The following XKR6 variants were observed in gnomAD, a reference collection of about 807,000 sequenced individuals.
XKR6 encodes the protein XK related 6.
Under a neutral mutation model 56.7 loss-of-function variants are expected in XKR6, and 22 were observed. The ratio of observed to expected loss-of-function variants is 0.39; its 90% confidence interval spans 0.28 to 0.55. The LOEUF is 0.55. XKR6 is among the 20% of genes least tolerant of loss of function. XKR6 has a pLI of 0.66. For synonymous variants in XKR6, 524 were observed against 387.8 expected (o/e 1.35, Z -4.13); for missense variants, 852 against 889.0 (o/e 0.96, Z 0.53).
At position 11,077,456 on chromosome 8, in the gene XKR6, G is replaced by A. The variant is rs186606481; in HGVS notation, c.764+123120C>T. On this transcript the variant is annotated intron_variant, in intron 1 of 2. Coordinates refer to ENST00000416569, the MANE Select transcript of XKR6 (RefSeq NM_173683.4). ...CAAGCACTTTGAGTATGAGACTGTG[G>A]CCCTCAGTGAACAGTTCCTCTCTAC... 8.9e-4 allele frequency among the ~76,000 whole-genome samples: 135 copies of A among 152,274 alleles called. 2 individuals are homozygous for A. The highest frequency in any genetic ancestry group is 8.8e-3 in the Admixed American group (135 of 15,300).
chr8:10,940,992 A>G (rs547397904), intron 1 of XKR6, among the ~76,000 whole-genome samples: 10 of 152,294 alleles, frequency 6.6e-5, no homozygotes, highest in African/African-American at 1.4e-4. Flanking sequence ...CCCTGTAGCC[A>G]CAGTGACTCG....
At chr8:11,012,982 A>T (rs879386415) in intron 1 of XKR6, among the ~76,000 whole-genome samples, 1 of 152,210 alleles carries the variant, frequency 6.6e-6, no homozygotes, top group Non-Finnish European at 1.5e-5. Context: ...TGAGAGCTCT[A>T]ACAAGATATT....
intron 1 of XKR6, among the ~76,000 whole-genome samples, chr8:11,169,120 A>C (rs1802235398): frequency 6.6e-6 from 1 of 152,156 alleles, no homozygotes; most frequent in Non-Finnish European, 1.5e-5. Context: ...ACCAGTCAGC[A>C]CATTCCTTCC....
chr8:11,196,045 C>T (rs1379508757), intron 1 of XKR6, among the ~76,000 whole-genome samples: 4 of 151,970 alleles, frequency 2.6e-5, no homozygotes, highest in Non-Finnish European at 4.4e-5. Flanking sequence ...CACACACCCA[C>T]ACAGCCCACA....
chr8:10,963,350 A>G (rs1802121560), intron 1 of XKR6, among the ~76,000 whole-genome samples: 1 of 152,166 alleles, frequency 6.6e-6, no homozygotes, highest in African/African-American at 2.4e-5. Flanking sequence ...CCCTGCTCCA[A>G]ATGTTCCACC....
At chr8:11,137,709 C>T (rs1210893943) in intron 1 of XKR6, 3 of 456,108 alleles carry the variant, frequency 6.6e-6, no homozygotes, top group East Asian at 6.9e-5. Context: ...GAAGCTACTC[C>T]CCTGAAATAG....
chr8:11,147,989 C>G (rs1355612929), intron 1 of XKR6, among the ~76,000 whole-genome samples: 1 of 152,042 alleles, frequency 6.6e-6, no homozygotes, highest in East Asian at 1.9e-4. Context: ...GCAGGAGGAT[C>G]ACTTGAGGTC....
chr8:11,108,024 G>A (rs1392368366), intron 1 of XKR6: 13 of 319,332 alleles, frequency 4.1e-5, no homozygotes, highest in African/African-American at 2.9e-4. Context: ...TCCACGATGC[G>A]CCTCTCAGCG....
chr8:11,022,836 T>A (rs535411911), intron 1 of XKR6, among the ~76,000 whole-genome samples: 9 of 152,240 alleles, frequency 5.9e-5, no homozygotes, highest in Non-Finnish European at 1.0e-4. Context: ...TTATTTGTTA[T>A]AAATATTTCA....
At chr8:11,033,334 ATGGTGG>A (rs1301421577) in intron 1 of XKR6, among the ~76,000 whole-genome samples, 8 of 145,922 alleles carry the variant, frequency 5.5e-5, no homozygotes, top group African/African-American at 2.2e-4. Flanking sequence ...AGTGATGGTG[ATGGTGG>A]TGGTGATGAT....
chr8:10,969,763 C>A (rs937817217), intron 1 of XKR6, among the ~76,000 whole-genome samples: 4 of 152,230 alleles, frequency 2.6e-5, no homozygotes, highest in African/African-American at 9.6e-5. Context: ...TGCAGCCCTG[C>A]CCCTAGCCAG....
chr8:11,195,027 G>A (rs1346383427), intron 1 of XKR6: 3 of 628,364 alleles, frequency 4.8e-6, no homozygotes, highest in Non-Finnish European at 5.7e-6. Flanking sequence ...TAAATCTTTA[G>A]AGATGTTCTC....
intron 1 of XKR6, among the ~76,000 whole-genome samples, chr8:11,039,305 G>C (rs1563362359): frequency 6.6e-6 from 1 of 152,228 alleles, no homozygotes; most frequent in Admixed American, 6.5e-5. Flanking sequence ...AGCAACACCA[G>C]AGGGGGGATT....
At chr8:11,133,130 G>A (rs1228792281) in intron 1 of XKR6, among the ~76,000 whole-genome samples, 1 of 152,164 alleles carries the variant, frequency 6.6e-6, no homozygotes. Flanking sequence ...ATACAAGGGA[G>A]AGGGTGTGGG....
intron 1 of XKR6, among the ~76,000 whole-genome samples, chr8:11,146,486 G>T (rs1040542671): frequency 6.6e-6 from 1 of 152,132 alleles, no homozygotes; most frequent in Non-Finnish European, 1.5e-5. Context: ...AAAATTAGAT[G>T]AGCATGGTGG....
chr8:11,047,318 G>C (rs1426650506), intron 1 of XKR6, among the ~76,000 whole-genome samples: 1 of 152,150 alleles, frequency 6.6e-6, no homozygotes, highest in South Asian at 2.1e-4. Flanking sequence ...GGGAAGCAGA[G>C]TTCATGAAAC....
At chr8:11,147,858 T>A (rs6988236) in intron 1 of XKR6, among the ~76,000 whole-genome samples, 4 of 152,084 alleles carry the variant, frequency 2.6e-5, no homozygotes, top group Non-Finnish European at 5.9e-5. Context: ...GAAGGCCTAA[T>A]TCCCAGTATC....
intron 1 of XKR6, among the ~76,000 whole-genome samples, chr8:11,142,449 AATAAC>A (rs2116940175): frequency 6.6e-6 from 1 of 152,306 alleles, no homozygotes; most frequent in East Asian, 1.9e-4. Context: ...GTTGAAATGT[AATAAC>A]CAGTGTTGGA....
chr8:11,161,084 A>G (rs1461019856), intron 1 of XKR6, among the ~76,000 whole-genome samples: 1 of 152,226 alleles, frequency 6.6e-6, no homozygotes, highest in Non-Finnish European at 1.5e-5. Context: ...AGCAAAGTTA[A>G]GAGGACTTGT....
Sources: gnomAD v4.1 joint callset for allele counts (sites outside exome capture counted in the v4.1 genomes callset) on GRCh38, gnomAD v4.1.1 for gene constraint, MANE v1.5 for transcripts, NCBI Gene and HGNC (gene_info 2026-07-23, HGNC 2026-07-21) for gene names.